MACROD1: variants seen among roughly 807,000 people sequenced by gnomAD.
The protein encoded by MACROD1 is mono-ADP ribosylhydrolase 1, also known as ADP-ribose glycohydrolase MACROD1.
MACROD1 carries 31 observed loss-of-function variants against 41.4 expected under a neutral mutation model. That is an observed-to-expected ratio of 0.75 (90% confidence interval 0.56 to 1.01). The LOEUF (loss-of-function observed/expected upper bound fraction) is 1.01, where lower values mean the gene tolerates loss of function less well. Among genes scored for constraint, MACROD1 ranks in the 50% least tolerant of loss-of-function variants. The probability of loss-of-function intolerance (pLI) is 0.00; values close to 1 mark genes in which losing one functional copy is unlikely to be tolerated. For synonymous variants in MACROD1, 252 were observed against 203.4 expected (o/e 1.24, Z -2.03); for missense variants, 473 against 460.0 (o/e 1.03, Z -0.26).
At chr11:64,163,757 A>T (rs1404677105) in intron 1 of MACROD1, among the ~76,000 whole-genome samples, 1 of 152,176 alleles carries the variant, frequency 6.6e-6, no homozygotes, top group Non-Finnish European at 1.5e-5. Context: ...CAAGAGATGG[A>T]GAGAATGCAG....
chr11:64,116,220 T>G (rs371269004), intron 3 of MACROD1: 2 of 1,559,604 alleles, frequency 1.3e-6, no homozygotes, highest in Non-Finnish European at 1.7e-6. Context: ...TCCTTGCAGG[T>G]ATTCAGGCTC....
At chr11:64,019,198 C>T (rs1449175352) in intron 3 of MACROD1, among the ~76,000 whole-genome samples, 1 of 152,188 alleles carries the variant, frequency 6.6e-6, no homozygotes, top group Non-Finnish European at 1.5e-5. Flanking sequence ...CCGAGGTGGC[C>T]CGGCCCCATC....
chr11:64,092,336 G>A (rs1944505144), intron 3 of MACROD1, among the ~76,000 whole-genome samples: 1 of 152,252 alleles, frequency 6.6e-6, no homozygotes, highest in Non-Finnish European at 1.5e-5. Context: ...GTCAAGGCCA[G>A]AGACACAGAG....
At chr11:64,016,189 C>T (rs903330988) in intron 3 of MACROD1, among the ~76,000 whole-genome samples, 2 of 152,238 alleles carry the variant, frequency 1.3e-5, no homozygotes, top group Non-Finnish European at 2.9e-5. Context: ...ATGCAGCTGA[C>T]ACGGGGGCAA....
At chr11:64,060,851 A>T (rs1350004809) in intron 3 of MACROD1, among the ~76,000 whole-genome samples, 1 of 152,068 alleles carries the variant, frequency 6.6e-6, no homozygotes, top group African/African-American at 2.4e-5. Flanking sequence ...GGCGGGTGTG[A>T]ACGGGGCCAA....
chr11:64,118,281 T>TCCTACACATGATGCCCG (rs1425763907), intron 3 of MACROD1: 2 of 1,568,644 alleles, frequency 1.3e-6, no homozygotes, highest in Non-Finnish European at 1.7e-6. Context: ...CATAGACTAC[T>TCCTACACATGATGCCCG]CCTACACATG....
At chr11:64,049,290 G>A (rs911495990) in intron 3 of MACROD1, among the ~76,000 whole-genome samples, 2 of 152,150 alleles carry the variant, frequency 1.3e-5, no homozygotes, top group Non-Finnish European at 2.9e-5. Flanking sequence ...AAAGGGACTG[G>A]CCCAGGATCC....
chr11:64,098,897 A>AT (rs1944623492), intron 3 of MACROD1, among the ~76,000 whole-genome samples: 1 of 152,250 alleles, frequency 6.6e-6, no homozygotes, highest in Admixed American at 6.5e-5. Flanking sequence ...TGACACATAC[A>AT]TAAAAATCCA....
intron 3 of MACROD1, among the ~76,000 whole-genome samples, chr11:64,134,621 C>T (rs1945307923): frequency 6.6e-6 from 1 of 152,120 alleles, no homozygotes; most frequent in Admixed American, 6.5e-5. Flanking sequence ...GGGTGGGGGA[C>T]AGCACCTGAG....
intron 3 of MACROD1, among the ~76,000 whole-genome samples, chr11:64,099,003 T>C (rs1410255336): frequency 6.6e-6 from 1 of 152,246 alleles, no homozygotes; most frequent in Non-Finnish European, 1.5e-5. Context: ...AGCTATGAAC[T>C]GTAAAGCTGA....
At chr11:64,009,888 C>A (rs1436452102) in intron 4 of MACROD1, among the ~76,000 whole-genome samples, 1 of 152,280 alleles carries the variant, frequency 6.6e-6, no homozygotes, top group Non-Finnish European at 1.5e-5. Flanking sequence ...CCAGCCCCAT[C>A]TTCTGAGCCC....
chr11:64,028,541 C>T (rs1299676921), intron 3 of MACROD1, among the ~76,000 whole-genome samples: 3 of 152,054 alleles, frequency 2.0e-5, no homozygotes, highest in Non-Finnish European at 1.5e-5. Context: ...ATGCGAGGCC[C>T]GGCCTCAGCC....
At chr11:64,087,425 C>T (rs899052280) in intron 3 of MACROD1, among the ~76,000 whole-genome samples, 1 of 152,194 alleles carries the variant, frequency 6.6e-6, no homozygotes, top group Non-Finnish European at 1.5e-5. Context: ...CTCCGGGGTG[C>T]GTCTGCCTCC....
At chr11:64,042,173 C>T (rs2134390067) in intron 3 of MACROD1, among the ~76,000 whole-genome samples, 1 of 152,298 alleles carries the variant, frequency 6.6e-6, no homozygotes, top group East Asian at 1.9e-4. Flanking sequence ...CATGCACCTT[C>T]ATGCACACAC....
chr11:64,079,006 G>A (rs1944256374), intron 3 of MACROD1, among the ~76,000 whole-genome samples: 1 of 152,162 alleles, frequency 6.6e-6, no homozygotes, highest in African/African-American at 2.4e-5. Context: ...GTTCTGAGGG[G>A]AGGGTGGTGA....
At chr11:64,080,069 A>G (rs923815159) in intron 3 of MACROD1, among the ~76,000 whole-genome samples, 4 of 152,114 alleles carry the variant, frequency 2.6e-5, no homozygotes, top group African/African-American at 4.8e-5. Context: ...CTGGAGTGCA[A>G]TGGCACCATC....
At chr11:64,059,682 C>G (rs1469487219) in intron 3 of MACROD1, among the ~76,000 whole-genome samples, 2 of 152,188 alleles carry the variant, frequency 1.3e-5, no homozygotes, top group Non-Finnish European at 1.5e-5. Context: ...GATGGGGAAA[C>G]TGAGGCCTAG....
At position 64,129,996 on chromosome 11, in the gene MACROD1, A is replaced by G. The variant is rs72918490; in HGVS notation, c.517+21243T>C. On this transcript the variant is annotated intron_variant, in intron 3 of 10. Transcript: ENST00000255681. ...AGCAAGCAGGACTGGCCAGTGCCTC[A>G]AAGGCACTGCAGGGGACCTGCTGGC... 4.2e-3 allele frequency among the ~76,000 whole-genome samples: 632 copies of G among 152,234 alleles called. 1 individual carries two copies. The highest frequency in any genetic ancestry group is 7.5e-3 in the Non-Finnish European group (509 of 67,988).
chr11:64,082,210 A>T lies in MACROD1; in HGVS notation c.518-66929T>A, dbSNP rs1382461542. ...GGAGCAGGCGCGAAACATCCCTTAA[A>T]TATTGGTGCTCTCGGCAGCACTGGG... On this transcript the variant is annotated intron_variant, in intron 3 of 10. Coordinates refer to ENST00000255681, the MANE Select transcript of MACROD1 (RefSeq NM_014067.4). This position sits in a 1 kb window ranked among gnomAD's most constrained non-coding sequence, Gnocchi z 4.5. Among the ~76,000 whole-genome samples the T allele has an allele frequency of 6.6e-6, 1 of 151,960 alleles. No individual in the cohort carries two copies. Among genetic ancestry groups the T allele is most frequent in the East Asian group, 1.9e-4 (1 of 5,168 alleles).
Sources: allele counts gnomAD v4.1 joint callset (sites outside exome capture counted in the v4.1 genomes callset), GRCh38; gene constraint gnomAD v4.1.1; non-coding constraint Gnocchi (gnomAD v3.1); transcripts MANE v1.5; gene names NCBI Gene and HGNC (gene_info 2026-07-23, HGNC 2026-07-21).